The following ADPGK variants were observed in gnomAD, a reference collection of about 807,000 sequenced individuals.
ADPGK encodes the protein ADP dependent glucokinase.
In ADPGK, 26 loss-of-function variants were observed where a neutral mutation model predicts 42.4. The observed-to-expected ratio is 0.61, with a 90% CI of 0.45 to 0.85. The LOEUF (loss-of-function observed/expected upper bound fraction) is 0.85, where lower values mean the gene tolerates loss of function less well. Ranked by LOEUF, ADPGK falls within the 40% of genes least tolerant of loss-of-function variation. The pLI is 0.00. For missense variants in ADPGK, 571 were observed against 627.0 expected (o/e 0.91, Z 0.95); for synonymous variants, 267 against 252.6 (o/e 1.06, Z -0.54).
intron 2 of ADPGK, 64 bp from the exon 3 acceptor site, chr15:72,771,909 ATTTT>A: frequency 7.6e-7 from 1 of 1,307,460 alleles, no homozygotes; most frequent in Non-Finnish European, 1.0e-6. Flanking sequence ...AAGTTTAATC[ATTTT>A]TTATTTTAAA....
At position 72,752,374 on chromosome 15, in the gene ADPGK, T is replaced by C. The variant is rs760411999; in HGVS notation, c.1461A>G (p.Gly487=). 8 of 1,613,960 alleles carry C rather than the reference T, an allele frequency of 5.0e-6. No homozygotes were observed. In the South Asian group the frequency reaches 7.7e-5, roughly 16 times the overall value. Residue 487 remains glycine (G), a synonymous_variant, in exon 7 of 7, where the codon GGA becomes GGG. Transcript: ENST00000456471. ...VGLGDAISAE[G]LFYSEVHPHY ...GAGGGTGTACTTCCGAATAGAAGAG[T>C]CCTTCGGCTGAAATGGCATCTCCAA...
Position 72,783,730 on chromosome 15 carries a change from T to C in ADPGK, c.-39A>G. 7.1e-7 allele frequency: 1 copy of C among 1,415,316 alleles called. No homozygotes were observed. Among genetic ancestry groups the C allele is most frequent in the Non-Finnish European group, 9.2e-7 (1 of 1,088,814 alleles). 87.7% of individuals were successfully genotyped at this position (1,415,316 alleles called of 1,614,324 possible). A position where few individuals can be genotyped will look rare whatever the true frequency, so the allele number is the denominator to read the frequency against. On this transcript the variant is annotated 5_prime_UTR_variant, in exon 1 of 7. Coordinates refer to ENST00000456471, the MANE Select transcript of ADPGK (RefSeq NM_001365225.1). ...CCGCACCTGCGCGAACCAACTCCTT[T>C]CCTAGCCCGCGCCTCTTCCGGGCTC...
At chr15:72,753,028 C>T in intron 6 of ADPGK, 133 bp from the exon 7 acceptor site, 1 of 857,512 alleles carries the variant, frequency 1.2e-6, no homozygotes, top group Non-Finnish European at 1.8e-6. Context: ...GACTCCCTGG[C>T]CCTGAAGTCA....
chr15:72,766,373 G>A (rs561962722), intron 3 of ADPGK, among the ~76,000 whole-genome samples: 1 of 152,274 alleles, frequency 6.6e-6, no homozygotes, highest in African/African-American at 2.4e-5. Flanking sequence ...TAACTGATGT[G>A]GCAAACTTCA....
At chr15:72,778,340 T>C (rs899861947) in intron 1 of ADPGK, among the ~76,000 whole-genome samples, 1 of 152,168 alleles carries the variant, frequency 6.6e-6, no homozygotes, top group African/African-American at 2.4e-5. Context: ...TTAACCAGAA[T>C]AAGAATCTTT....
At chr15:72,783,213 G>A in intron 1 of ADPGK, 2 of 1,225,910 alleles carry the variant, frequency 1.6e-6, no homozygotes, top group African/African-American at 3.1e-5. Flanking sequence ...AGACAAAGCG[G>A]GATTAGCAAG....
chr15:72,771,658 A>AC (rs2066329704), intron 3 of ADPGK, 125 bp downstream of exon 3: 1 of 779,318 alleles, frequency 1.3e-6, no homozygotes, highest in Admixed American at 2.8e-5. Flanking sequence ...CTAACAAAAG[A>AC]CCCAGGGTCT....
In ADPGK at chr15:72,760,440, C is replaced by T. The variant is rs1382226187; in HGVS notation, c.610G>A (p.Asp204Asn). 2 of 1,609,270 alleles carry T rather than the reference C, an allele frequency of 1.2e-6. No homozygotes were observed. Among genetic ancestry groups the T allele is most frequent in the Non-Finnish European group, 8.5e-7 (1 of 1,176,642 alleles). ...FVPPESLQEV[D>N]EFHLILEYQA... ...TACTCTAAAATGAGGTGGAACTCAT[C>T]CACTTCCTGCAATGACTCTGGTGGA... is the stretch of plus-strand genomic sequence containing the variant. The change falls in exon 4 of 7, where the codon GAT (aspartate) becomes AAT (asparagine). Residue 204 changes from aspartate to asparagine, a missense_variant. Physicochemically the swap from Asp to Asn is conservative, Grantham distance 23. Coordinates refer to ENST00000456471, the MANE Select transcript of ADPGK (RefSeq NM_001365225.1).
At position 72,774,965 on chromosome 15, in the gene ADPGK, G is replaced by T. The variant is rs1043247960; in HGVS notation, c.366C>A (p.Phe122Leu). 2 of 1,614,078 alleles carry T rather than the reference G, an allele frequency of 1.2e-6. No homozygotes were observed. Among genetic ancestry groups the T allele is most frequent in the Non-Finnish European group, 1.7e-6 (2 of 1,180,042 alleles). The change falls in exon 2 of 7, where the codon TTC becomes TTA. Residue 122 changes from phenylalanine (F) to leucine (L), a missense_variant. Physicochemically the swap from Phe to Leu is conservative, Grantham distance 22. This residue lies in a region of ADPGK where 434 missense variants were observed against 522.7 expected (regional missense o/e 0.83). Transcript: ENST00000456471. ...RNDLEEAFIH[F>L]MGKGAAAERF... Reference sequence around the variant, plus strand: ...GCTCAGCAGCTGCTCCCTTCCCCATGAAGTGAATGAAGGCTTCTTCCAGAT... The same window carrying T: ...GCTCAGCAGCTGCTCCCTTCCCCATTAAGTGAATGAAGGCTTCTTCCAGAT...
At chr15:72,776,339 T>C (rs2066392552) in intron 1 of ADPGK, among the ~76,000 whole-genome samples, 1 of 152,172 alleles carries the variant, frequency 6.6e-6, no homozygotes, top group South Asian at 2.1e-4. Flanking sequence ...TATTGGGATG[T>C]CATTCTGGCC....
At chr15:72,754,721 C>G (rs2066089840) in intron 6 of ADPGK, among the ~76,000 whole-genome samples, 1 of 152,086 alleles carries the variant, frequency 6.6e-6, no homozygotes, top group Non-Finnish European at 1.5e-5. Context: ...TATGAAAAGA[C>G]AGAGGATACT....
chr15:72,752,678 T>C lies in ADPGK; in HGVS notation c.1157A>G (p.Tyr386Cys). 1.2e-6 allele frequency: 2 copies of C among 1,614,168 alleles called. No homozygotes were observed. The highest frequency in any genetic ancestry group is 1.7e-6 in the Non-Finnish European group (2 of 1,180,030). ...TCCATCCACAGTTGCCAGGATGTGG[T>C]AGACCAGCGTGTGGAAATGGATCCT... is the stretch of plus-strand genomic sequence containing the variant. ...LTRIHFHTLVYHILATVDGHW... is the reference protein window; with the variant it reads ...LTRIHFHTLVCHILATVDGHW... The change falls in exon 7 of 7, where the codon TAC becomes TGC. Residue 386 changes from tyrosine to cysteine, a missense_variant. Around this residue, in one of 2 missense-constraint regions of ADPGK, gnomAD observed 434 missense variants for 522.7 expected, o/e 0.83. Transcript: ENST00000456471.
chr15:72,777,986 C>A (rs2066410329), intron 1 of ADPGK, among the ~76,000 whole-genome samples: 1 of 152,012 alleles, frequency 6.6e-6, no homozygotes, highest in African/African-American at 2.4e-5. Context: ...CGGTGGCTCA[C>A]ACTTGTAACC....
chr15:72,779,432 A>T (rs11072387), intron 1 of ADPGK, among the ~76,000 whole-genome samples: 23,411 of 151,672 alleles, frequency 0.15, 2,450 homozygotes, highest in East Asian at 0.51. Flanking sequence ...TTTAGTAGAG[A>T]TGGGGTTTCT....
chr15:72,755,066 T>G (rs543339968), intron 6 of ADPGK, among the ~76,000 whole-genome samples: 64 of 152,344 alleles, frequency 4.2e-4, no homozygotes, highest in Admixed American at 7.2e-4. Flanking sequence ...CCTGAGTTCA[T>G]GAAGCCCGTG....
rs1491481162 is a variant in ADPGK at position 72,763,339 on chromosome 15, T to TC, written c.523-2813_523-2812insG. 9.7e-3 allele frequency among the ~76,000 whole-genome samples: 1,296 copies of TC among 133,600 alleles called. 29 individuals are homozygous for TC. Among genetic ancestry groups the TC allele is most frequent in the African/African-American group, 0.035 (1,204 of 34,080 alleles). The allele number at this position is 133,600 out of a possible 152,430, so 87.6% of individuals were successfully genotyped here. On this transcript the variant is annotated intron_variant, in intron 3 of 6. Transcript: ENST00000456471. ...GCTAATTTTTTTTTTTTTTTTTTTTTGTATTTTTAGTAGAGATGGGGTTTC... is the reference window on the plus strand; with the variant it reads ...GCTAATTTTTTTTTTTTTTTTTTTTTCGTATTTTTAGTAGAGATGGGGTTTC...
intron 1 of ADPGK, among the ~76,000 whole-genome samples, chr15:72,781,973 T>C (rs764046796): frequency 1.5e-4 from 23 of 152,182 alleles, no homozygotes; most frequent in Non-Finnish European, 3.2e-4. Flanking sequence ...GGCTGCAAGC[T>C]AGGAAGAGAG....
intron 4 of ADPGK, among the ~76,000 whole-genome samples, chr15:72,760,016 G>T (rs930975506): frequency 2.0e-5 from 3 of 152,228 alleles, no homozygotes; most frequent in African/African-American, 7.2e-5. Flanking sequence ...GAGTCAGTCA[G>T]AAAGGCCTAG....
rs779289169 is a variant in ADPGK at position 72,783,644 on chromosome 15, G to C, written c.48C>G (p.Ala16=). The C allele has an allele frequency of 1.1e-4, 162 of 1,510,642 alleles. No individual in the cohort carries two copies. Among genetic ancestry groups the C allele is most frequent in the Non-Finnish European group, 1.4e-4 (158 of 1,137,294 alleles). 93.6% of individuals were successfully genotyped at this position (1,510,642 alleles called of 1,614,324 possible). Residue 16 remains alanine, a synonymous_variant, in exon 1 of 7, where the codon GCC becomes GCG. Coordinates refer to ENST00000456471, the MANE Select transcript of ADPGK (RefSeq NM_001365225.1). The part of the protein sequence containing the change: ...GSAYAGFLAL[A]VGCVFLLEPE... ...GCTCCAGCAGGAAGACGCAGCCCAC[G>C]GCCAGCGCCAGGAAGCCCGCGTACG...
Sources: gnomAD v4.1 joint callset for allele counts (sites outside exome capture counted in the v4.1 genomes callset) on GRCh38, gnomAD v4.1.1 for gene constraint, gnomAD v4.1.1 regional missense constraint, MANE v1.5 for transcripts, NCBI Gene and HGNC (gene_info 2026-07-23, HGNC 2026-07-21) for gene names.